Variants in CASP9 observed in about 807,000 individuals in gnomAD.
The protein encoded by CASP9 is caspase-9.
A neutral mutation model predicts 43.5 loss-of-function variants in CASP9; 29 were observed. That is an observed-to-expected ratio of 0.67 (90% CI 0.50 to 0.91). The LOEUF (loss-of-function observed/expected upper bound fraction) is 0.91. Among genes scored for constraint, CASP9 ranks in the 40% least tolerant of loss-of-function variants. CASP9 has a pLI of 0.00. For missense variants in CASP9, 575 were observed against 537.4 expected, an observed-to-expected ratio of 1.07 and a Z score of -0.69; for synonymous variants, 206 against 211.9, an observed-to-expected ratio of 0.97 and a Z score of 0.24.
chr1:15,500,274 T>C (rs953841208), intron 6 of CASP9, among the ~76,000 whole-genome samples: 2 of 152,204 alleles, frequency 1.3e-5, no homozygotes, highest in African/African-American at 4.8e-5. Context: ...CAGGCCCTGA[T>C]GCCATCAGGG....
At chr1:15,511,771 A>G (rs1441145579) in intron 2 of CASP9, among the ~76,000 whole-genome samples, 1 of 152,194 alleles carries the variant, frequency 6.6e-6, no homozygotes, top group Non-Finnish European at 1.5e-5. Flanking sequence ...TCTGCTGGGA[A>G]AAACCTGTAG....
chr1:15,499,846 AT>A (rs1339451646), intron 6 of CASP9, among the ~76,000 whole-genome samples: 2 of 152,244 alleles, frequency 1.3e-5, no homozygotes, highest in East Asian at 3.8e-4. Flanking sequence ...GTATTAGCTT[AT>A]AACATTCTGA....
At chr1:15,512,940 G>A (rs771760837) in intron 2 of CASP9, among the ~76,000 whole-genome samples, 7 of 152,054 alleles carry the variant, frequency 4.6e-5, no homozygotes, top group South Asian at 2.1e-4. Flanking sequence ...GACAGATCAC[G>A]AGGTCAGGAG....
At chr1:15,497,325 A>G (rs1709140918) in intron 6 of CASP9, among the ~76,000 whole-genome samples, 1 of 135,850 alleles carries the variant, frequency 7.4e-6, no homozygotes, top group East Asian at 2.2e-4. Flanking sequence ...AAAAAAAAAA[A>G]AAGAAAGAAA....
intron 8 of CASP9, 23 bp downstream of exon 8, chr1:15,493,869 T>C: frequency 6.4e-7 from 1 of 1,569,530 alleles, no homozygotes; most frequent in Non-Finnish European, 8.6e-7. Flanking sequence ...CCCCTCTCCT[T>C]TGCAGAGGAA....
upstream of CASP9, chr1:15,524,218 G>A: frequency 3.9e-6 from 6 of 1,538,126 alleles, no homozygotes; most frequent in Admixed American, 2.0e-5. Flanking sequence ...AGCCAACTAA[G>A]ACTCCAGGCC....
rs756585712 is a variant in CASP9 at position 15,495,421 on chromosome 1, G to T, written c.900C>A (p.Ser300=). The T allele has an allele frequency of 6.2e-6, 10 of 1,604,202 alleles. 1 individual carries two copies. The highest frequency in any genetic ancestry group is 3.3e-4 in the Middle Eastern group (2 of 6,044). The stretch of plus-strand genomic sequence containing the variant: ...CAGGGGACTCGTCTTCAGGGGAAGT[G>T]GAGGCCACCTCAAACCCATGGTCTT... The part of the protein sequence containing the change: ...EQKDHGFEVA[S]TSPEDESPGS... The change falls in exon 7 of 9, where the codon TCC becomes TCA. Residue 300 remains serine (S), a synonymous_variant. Coordinates refer to ENST00000333868, the MANE Select transcript of CASP9 (RefSeq NM_001229.5).
At chr1:15,493,338 C>G in intron 8 of CASP9, 14 of 1,263,740 alleles carry the variant, frequency 1.1e-5, no homozygotes, top group Non-Finnish European at 1.4e-5. Flanking sequence ...CAGCTGGGGC[C>G]CATACATGCT....
chr1:15,512,928 C>T (rs534744147), intron 2 of CASP9, among the ~76,000 whole-genome samples: 2 of 151,976 alleles, frequency 1.3e-5, no homozygotes, highest in Non-Finnish European at 2.9e-5. Context: ...GAGGCTGAGG[C>T]GGACAGATCA....
upstream of CASP9, chr1:15,524,409 G>T: frequency 7.5e-7 from 1 of 1,329,122 alleles, no homozygotes; most frequent in Non-Finnish European, 9.6e-7. Flanking sequence ...CCGCCCTCAG[G>T]ACGCACCTCT....
chr1:15,521,836 G>A (rs1710216120), intron 1 of CASP9, among the ~76,000 whole-genome samples: 1 of 152,084 alleles, frequency 6.6e-6, no homozygotes, highest in Admixed American at 6.6e-5. Flanking sequence ...CGCACACGAG[G>A]AGAAAAACCC....
chr1:15,519,186 TTTTG>T (rs1180110049), intron 1 of CASP9, among the ~76,000 whole-genome samples: 33 of 151,764 alleles, frequency 2.2e-4, no homozygotes, highest in Admixed American at 1.8e-3. Flanking sequence ...TCGGTTGTTT[TTTTG>T]TTTGTTTTTT....
At position 15,495,181 on chromosome 1, in the gene CASP9, A is replaced by G. The variant is rs138412328; in HGVS notation, c.1048+92T>C. The G allele has an allele frequency of 1.8e-4, 211 of 1,192,842 alleles. No individual in the cohort carries two copies. In the African/African-American group the frequency reaches 3.0e-3, roughly 17 times the overall value. The allele number at this position is 1,192,842 out of a possible 1,614,324, so 73.9% of individuals were successfully genotyped here. A position where few individuals can be genotyped will look rare whatever the true frequency, so the allele number is the denominator to read the frequency against. ...GGGGCAAAAGACAGAACCAGGACTC[A>G]TACCCTGGTCTTTTCTCTCACCACA... On this transcript the variant is annotated intron_variant, in intron 7 of 8. Coordinates refer to ENST00000333868, the MANE Select transcript of CASP9 (RefSeq NM_001229.5).
rs1708920667 is a variant in CASP9, at chr1:15,492,278, A to G, written c.*665T>C. On this transcript the variant is annotated 3_prime_UTR_variant, in exon 9 of 9. Transcript: ENST00000333868. Reference sequence around the variant, plus strand: ...GGAAGAAATAGGCAAAAGAGAGTCCATATTTGCCTCAGATTTATTTTTTAA... The same window carrying G: ...GGAAGAAATAGGCAAAAGAGAGTCCGTATTTGCCTCAGATTTATTTTTTAA... 1 of 152,240 alleles carries G rather than the reference A, an allele frequency of 6.6e-6. No homozygotes were observed. 9.4% of individuals were successfully genotyped at this position (152,240 alleles called of 1,614,324 possible). A position where few individuals can be genotyped will look rare whatever the true frequency, so the allele number is the denominator to read the frequency against.
intron 2 of CASP9, among the ~76,000 whole-genome samples, chr1:15,517,728 A>G (rs2103373283): frequency 6.6e-6 from 1 of 152,288 alleles, no homozygotes; most frequent in Middle Eastern, 3.4e-3. Flanking sequence ...TGGGGCAGAT[A>G]CAACTGAGGC....
intron 6 of CASP9, 69 bp from the exon 7 acceptor site, chr1:15,495,521 A>C: frequency 7.4e-7 from 1 of 1,348,996 alleles, no homozygotes; most frequent in Non-Finnish European, 1.0e-6. Context: ...AACATATGAA[A>C]GTCGGTGCAA....
At chr1:15,524,731 G>A, upstream of CASP9, 1 of 1,020,112 alleles carries the variant, frequency 9.8e-7, no homozygotes, top group African/African-American at 1.9e-5. Context: ...TCAATTCTGG[G>A]GTCACCGCCT....
intron 2 of CASP9, among the ~76,000 whole-genome samples, chr1:15,514,871 G>A (rs1709891716): frequency 6.6e-6 from 1 of 152,108 alleles, no homozygotes; most frequent in South Asian, 2.1e-4. Flanking sequence ...GCCAGGCATG[G>A]TGGTGCACCT....
At chr1:15,512,151 T>G (rs888409357) in intron 2 of CASP9, among the ~76,000 whole-genome samples, 1 of 152,190 alleles carries the variant, frequency 6.6e-6, no homozygotes, top group Admixed American at 6.5e-5. Flanking sequence ...AGAAGCCAGG[T>G]AGGGCTGAAA....
Sources: allele counts gnomAD v4.1 joint callset (sites outside exome capture counted in the v4.1 genomes callset), GRCh38; gene constraint gnomAD v4.1.1; transcripts MANE v1.5; gene names NCBI Gene and HGNC (gene_info 2026-07-23, HGNC 2026-07-21).